Variants in NAALAD2 observed in about 807,000 individuals in gnomAD.
NAALAD2 encodes the protein N-acetylated alpha-linked acidic dipeptidase 2.
In NAALAD2, 89 loss-of-function variants were observed where a neutral mutation model predicts 95.6. The observed-to-expected ratio is 0.93, with a 90% CI of 0.78 to 1.11. The LOEUF is 1.11. Among genes scored for constraint, NAALAD2 ranks in the 50% least tolerant of loss-of-function variants. NAALAD2 has a pLI of 0.00. For synonymous variants in NAALAD2, 264 were observed against 294.4 expected, an observed-to-expected ratio of 0.90 and a Z score of 1.06; for missense variants, 894 against 872.4, an observed-to-expected ratio of 1.02 and a Z score of -0.31.
chr11:90,185,259 CAT>C (rs965059172), intron 18 of NAALAD2, among the ~76,000 whole-genome samples: 18 of 151,704 alleles, frequency 1.2e-4, no homozygotes, highest in Middle Eastern at 3.2e-3. Flanking sequence ...CTATATTTAA[CAT>C]ATTATAAATT....
In NAALAD2 at chr11:90,134,729, A is replaced by G; in HGVS notation, c.-30A>G. ...CAGCCCCGAAGCTCGCGAATGTAGC[A>G]GGCGCCCCAAGCTCGGTCCTCAAGA... On this transcript the variant is annotated 5_prime_UTR_variant, in exon 1 of 19. Coordinates refer to ENST00000534061, the MANE Select transcript of NAALAD2 (RefSeq NM_005467.4). 6.2e-7 allele frequency: 1 copy of G among 1,609,482 alleles called. No individual in the cohort carries two copies. The highest frequency in any genetic ancestry group is 8.5e-7 in the Non-Finnish European group (1 of 1,176,838).
chr11:90,155,735 ATATGTATGTATTATTACATATGTATGTAT>A (rs1308200972), intron 6 of NAALAD2, among the ~76,000 whole-genome samples: 7 of 49,204 alleles, frequency 1.4e-4, no homozygotes, highest in Non-Finnish European at 2.6e-4. Context: ...ACATACATAC[ATATGTATGTATTATTACATATGTATGTAT>A]TATGTATGTA....
In NAALAD2 at chr11:90,173,247, T is replaced by C. The variant is rs191891070; in HGVS notation, c.1411-577T>C. On this transcript the variant is annotated intron_variant, in intron 13 of 18. Transcript: ENST00000534061. ...AGTAGAAATCTGAGGTTATGTAGAG[T>C]TTTTTAAAAAATCCATAAAATTTTA... Among the ~76,000 whole-genome samples the C allele has an allele frequency of 2.0e-5, 3 of 151,672 alleles. No homozygotes were observed. In the East Asian group the frequency reaches 5.8e-4, roughly 29 times the overall value.
In NAALAD2 at chr11:90,158,164, T is replaced by C. The variant is rs150106844; in HGVS notation, c.816T>C (p.Asp272=). The part of the protein sequence containing the change: ...YPAKEYTFRL[D]VEEGVGIPRI... ...TTTTAGAATACACTTTCAGACTTGA[T>C]GTTGAAGAAGGAGTGGGAATCCCCC... is the stretch of plus-strand genomic sequence containing the variant. The change falls in exon 7 of 19, where the codon GAT becomes GAC. Residue 272 remains aspartate, a synonymous_variant. Coordinates refer to ENST00000534061, the MANE Select transcript of NAALAD2 (RefSeq NM_005467.4). 2.4e-5 allele frequency: 39 copies of C among 1,607,478 alleles called. No individual in the cohort carries two copies. The highest frequency in any genetic ancestry group is 1.9e-4 in the African/African-American group (14 of 74,666).
At chr11:90,175,864 C>A (rs979757362) in intron 14 of NAALAD2, 108 bp from the exon 15 acceptor site, 11 of 571,406 alleles carry the variant, frequency 1.9e-5, no homozygotes, top group African/African-American at 1.1e-4. Flanking sequence ...ATATATAATT[C>A]CTTGCTATTC....
In NAALAD2 at chr11:90,177,892, A is replaced by C; in HGVS notation, c.1633A>C (p.Ile545Leu). The change falls in exon 16 of 19, where the codon ATT becomes CTT. Residue 545 changes from isoleucine (I) to leucine (L), a missense_variant. Coordinates refer to ENST00000534061, the MANE Select transcript of NAALAD2 (RefSeq NM_005467.4). ...CAGCAGCTACCCAGTGTACCACACA[A>C]TTTATGAGACATTTGAATTGGTAGA... ...KYSSYPVYHT[I>L]YETFELVEKF... The C allele has an allele frequency of 6.2e-7, 1 of 1,613,880 alleles. No homozygotes were observed. Among genetic ancestry groups the C allele is most frequent in the Non-Finnish European group, 8.5e-7 (1 of 1,179,918 alleles).
At chr11:90,187,324 A>G (rs1028760666) in intron 18 of NAALAD2, among the ~76,000 whole-genome samples, 1 of 152,152 alleles carries the variant, frequency 6.6e-6, no homozygotes, top group Non-Finnish European at 1.5e-5. Flanking sequence ...ACATTTTTAA[A>G]TTTGATTAGG....
chr11:90,160,673 A>T (rs1187192673), intron 8 of NAALAD2, among the ~76,000 whole-genome samples: 19 of 152,200 alleles, frequency 1.2e-4, no homozygotes, highest in Admixed American at 1.2e-3. Flanking sequence ...ACTCAATGAA[A>T]CATAAAGCCC....
chr11:90,179,864 T>G (rs2000789), intron 16 of NAALAD2, among the ~76,000 whole-genome samples: 63,467 of 151,756 alleles, frequency 0.42, 13,597 homozygotes, highest in African/African-American at 0.5. Context: ...ATCTGTTAAT[T>G]CCTTTCCCTG....
At chr11:90,169,920 T>C (rs1205276305) in intron 12 of NAALAD2, 149 bp from the exon 13 acceptor site, 1 of 621,416 alleles carries the variant, frequency 1.6e-6, no homozygotes, top group Non-Finnish European at 2.9e-6. Flanking sequence ...TGAAGAACTA[T>C]TTCCACCCTG....
At chr11:90,172,764 C>T (rs1952678991) in intron 13 of NAALAD2, among the ~76,000 whole-genome samples, 1 of 152,004 alleles carries the variant, frequency 6.6e-6, no homozygotes, top group South Asian at 2.1e-4. Context: ...GAGTTCAGTG[C>T]TTAGTAAATA....
chr11:90,159,018 C>T, intron 7 of NAALAD2: 1 of 482,134 alleles, frequency 2.1e-6, no homozygotes, highest in Non-Finnish European at 3.7e-6. Flanking sequence ...TTTCTCTTTG[C>T]TCTCATCACT....
At chr11:90,184,845 T>C (rs1365119412) in intron 18 of NAALAD2, among the ~76,000 whole-genome samples, 2 of 152,082 alleles carry the variant, frequency 1.3e-5, no homozygotes, top group African/African-American at 4.8e-5. Flanking sequence ...ATTCATCAAC[T>C]GCAGATAGAA....
rs1484945322 is a variant in NAALAD2 at position 90,170,065 on chromosome 11, T to C, written c.1343-4T>C. 7 of 1,544,276 alleles carry C rather than the reference T, an allele frequency of 4.5e-6. No individual in the cohort carries two copies. Among genetic ancestry groups the C allele is most frequent in the Non-Finnish European group, 5.4e-6 (6 of 1,116,920 alleles). ...TAATACTCTGTGTCTTATTTATTTT[T>C]CAGGCAATTATACTCTCAGAGTTGA... On this transcript the variant is annotated splice_region_variant and splice_polypyrimidine_tract_variant and intron_variant, in intron 12 of 18. Coordinates refer to ENST00000534061, the MANE Select transcript of NAALAD2 (RefSeq NM_005467.4).
intron 11 of NAALAD2, among the ~76,000 whole-genome samples, chr11:90,167,953 G>A (rs1221738291): frequency 6.6e-6 from 1 of 152,182 alleles, no homozygotes; most frequent in Non-Finnish European, 1.5e-5. Flanking sequence ...GGCTGCCGGA[G>A]CAGCAGTGGC....
At chr11:90,139,522 A>C (rs529359452) in intron 2 of NAALAD2, among the ~76,000 whole-genome samples, 1 of 152,276 alleles carries the variant, frequency 6.6e-6, no homozygotes, top group South Asian at 2.1e-4. Context: ...TCTTAATGTC[A>C]TCTGAAGACT....
At chr11:90,179,308 T>G (rs74654703) in intron 16 of NAALAD2, among the ~76,000 whole-genome samples, 1 of 152,100 alleles carries the variant, frequency 6.6e-6, no homozygotes, top group African/African-American at 2.4e-5. Flanking sequence ...CTGGGAGATA[T>G]AAATGTGTAC....
At position 90,152,418 on chromosome 11, in the gene NAALAD2, C is replaced by T; in HGVS notation, c.730C>T (p.Gln244Ter). The T allele has an allele frequency of 6.2e-7, 1 of 1,613,814 alleles. No individual in the cohort carries two copies. The change falls in exon 6 of 19, where the codon CAG (glutamine) becomes TAG (stop). Residue 244 changes from glutamine (Q) to a stop codon, truncating the protein, a stop_gained. Coordinates refer to ENST00000534061, the MANE Select transcript of NAALAD2 (RefSeq NM_005467.4). LOFTEE classifies it high-confidence loss of function. ...KGWNLPGTAA[Q>*]RGNVLNLNGA... ...ATGGAATCTTCCTGGAACTGCAGCCCAGAGAGGAAATGTGTTAAATTTGAA... is the reference window on the plus strand; with the variant it reads ...ATGGAATCTTCCTGGAACTGCAGCCTAGAGAGGAAATGTGTTAAATTTGAA...
intron 6 of NAALAD2, among the ~76,000 whole-genome samples, chr11:90,156,668 C>T (rs938367086): frequency 6.6e-6 from 1 of 152,088 alleles, no homozygotes; most frequent in East Asian, 1.9e-4. Flanking sequence ...TCACTGTAAC[C>T]GCAAACTCCC....
Sources: allele counts gnomAD v4.1 joint callset (sites outside exome capture counted in the v4.1 genomes callset), GRCh38; gene constraint gnomAD v4.1.1; transcripts MANE v1.5; gene names NCBI Gene and HGNC (gene_info 2026-07-23, HGNC 2026-07-21).